The following IKZF3 variants were observed in gnomAD, a reference collection of about 807,000 sequenced individuals.
The protein encoded by IKZF3 is IKAROS family zinc finger 3.
In IKZF3, 10 loss-of-function variants were observed where a neutral mutation model predicts 49.0. The observed-to-expected ratio is 0.20, with a 90% CI of 0.13 to 0.35. The LOEUF (loss-of-function observed/expected upper bound fraction) is 0.35, where lower values mean the gene tolerates loss of function less well. IKZF3 is among the 10% of genes least tolerant of loss of function. IKZF3 has a pLI of 1.00. For missense variants in IKZF3, 498 were observed against 664.8 expected (o/e 0.75, Z 2.76); for synonymous variants, 209 against 228.2 (o/e 0.92, Z 0.76).
chr17:39,797,588 A>G (rs1322479776), intron 3 of IKZF3, among the ~76,000 whole-genome samples: 2 of 151,654 alleles, frequency 1.3e-5, no homozygotes, highest in Non-Finnish European at 2.9e-5. Flanking sequence ...ACACCTGGCT[A>G]ATTTCTGTAT....
intron 3 of IKZF3, among the ~76,000 whole-genome samples, chr17:39,798,988 T>TGTGTGC (rs1441458945): frequency 4.2e-5 from 2 of 47,182 alleles, no homozygotes; most frequent in Non-Finnish European, 8.8e-5. Flanking sequence ...AGATTGTGTG[T>TGTGTGC]GTGTGTGCGT....
chr17:39,798,874 C>T (rs972863760), intron 3 of IKZF3, among the ~76,000 whole-genome samples: 4 of 152,106 alleles, frequency 2.6e-5, no homozygotes, highest in Admixed American at 6.5e-5. Flanking sequence ...CTCTGATCAA[C>T]CCAGCTGGAA....
intron 1 of IKZF3, among the ~76,000 whole-genome samples, chr17:39,851,249 G>C (rs2062866832): frequency 6.6e-6 from 1 of 151,658 alleles, no homozygotes; most frequent in Non-Finnish European, 1.5e-5. Context: ...GGGTGGTCTT[G>C]AACTCCTGGG....
intron 3 of IKZF3, among the ~76,000 whole-genome samples, chr17:39,798,413 C>A (rs544574269): frequency 2.6e-5 from 4 of 152,174 alleles, no homozygotes; most frequent in Admixed American, 2.0e-4. Flanking sequence ...CTAGTTAGAT[C>A]TTTAACTAAA....
chr17:39,785,030 A>G (rs1247050070), intron 6 of IKZF3, among the ~76,000 whole-genome samples: 1 of 152,204 alleles, frequency 6.6e-6, no homozygotes, highest in East Asian at 1.9e-4. Flanking sequence ...ACAGCAATGG[A>G]GCATCATCTC....
intron 3 of IKZF3, among the ~76,000 whole-genome samples, chr17:39,810,528 T>A (rs2061526239): frequency 6.6e-6 from 1 of 152,112 alleles, no homozygotes; most frequent in East Asian, 1.9e-4. Context: ...TCTATTTCCA[T>A]TTCACTACCC....
At chr17:39,815,472 T>C (rs1190708815) in intron 3 of IKZF3, among the ~76,000 whole-genome samples, 3 of 152,260 alleles carry the variant, frequency 2.0e-5, no homozygotes, top group Non-Finnish European at 2.9e-5. Context: ...CAGAGGTTTT[T>C]ATTTTTTAGT....
At position 39,763,112 on chromosome 17, in the gene IKZF3, T is replaced by C. The variant is rs1451287621; in HGVS notation, c.*2678A>G. 6.6e-6 allele frequency: 1 copy of C among 152,236 alleles called. No individual in the cohort carries two copies. The highest frequency in any genetic ancestry group is 1.9e-4 in the East Asian group (1 of 5,204). The allele number at this position is 152,236 out of a possible 1,614,324, so 9.4% of individuals were successfully genotyped here. On this transcript the variant is annotated 3_prime_UTR_variant, in exon 8 of 8. Transcript: ENST00000346872. ...CAATCTGGCATAGCTTGGAGTCTAG[T>C]ATTACGGAAATACAGTGATATACTG...
At chr17:39,774,277 C>A (rs186548076) in intron 7 of IKZF3, among the ~76,000 whole-genome samples, 1 of 152,170 alleles carries the variant, frequency 6.6e-6, no homozygotes. Context: ...TCTTCCTTCA[C>A]ACCTTACCCA....
intron 1 of IKZF3, among the ~76,000 whole-genome samples, chr17:39,843,808 TAAA>T (rs79751726): frequency 2.3e-5 from 3 of 132,816 alleles, no homozygotes. Context: ...CTCCGTCTTT[TAAA>T]AAAAAAAAAA....
chr17:39,790,273 G>C lies in IKZF3; in HGVS notation c.592+1143C>G, dbSNP rs191519394. 1.6e-3 allele frequency among the ~76,000 whole-genome samples: 249 copies of C among 152,280 alleles called. 2 individuals carry two copies. Among genetic ancestry groups the C allele is most frequent in the Non-Finnish European group, 2.9e-3 (194 of 68,024 alleles). ...AATGTTACGTTTCTGCATAAATTGGGTTCTCTGGAATCTGTCTTTAAAAAG... is the reference window on the plus strand; with the variant it reads ...AATGTTACGTTTCTGCATAAATTGGCTTCTCTGGAATCTGTCTTTAAAAAG... On this transcript the variant is annotated intron_variant, in intron 5 of 7. Coordinates refer to ENST00000346872, the MANE Select transcript of IKZF3 (RefSeq NM_012481.5).
At chr17:39,766,971 C>G (rs142608124) in intron 7 of IKZF3, among the ~76,000 whole-genome samples, 9 of 152,184 alleles carry the variant, frequency 5.9e-5, no homozygotes, top group South Asian at 2.1e-4. Flanking sequence ...GACAGAAGTG[C>G]TGCAAAGAGT....
intron 3 of IKZF3, among the ~76,000 whole-genome samples, chr17:39,824,158 C>G (rs897532431): frequency 3.9e-5 from 6 of 152,204 alleles, no homozygotes; most frequent in African/African-American, 1.2e-4. Flanking sequence ...ATCAGCGTGA[C>G]GTGGATGTGA....
At chr17:39,800,227 G>T (rs974940512) in intron 3 of IKZF3, among the ~76,000 whole-genome samples, 6 of 152,076 alleles carry the variant, frequency 3.9e-5, no homozygotes, top group Admixed American at 3.9e-4. Context: ...TATATATCAG[G>T]TTTCTTAGAC....
intron 7 of IKZF3, among the ~76,000 whole-genome samples, chr17:39,769,576 A>G (rs1172093239): frequency 6.6e-6 from 1 of 152,234 alleles, no homozygotes; most frequent in African/African-American, 2.4e-5. Flanking sequence ...GACTGAGAAC[A>G]TGAGAGCCAG....
chr17:39,842,257 C>T (rs909204421), intron 1 of IKZF3, among the ~76,000 whole-genome samples: 2 of 152,144 alleles, frequency 1.3e-5, no homozygotes, highest in Non-Finnish European at 2.9e-5. Flanking sequence ...TGGCTCACTC[C>T]TATAATCCCA....
Position 39,759,143 on chromosome 17 carries a change from C to T in IKZF3, c.*6647G>A, listed in dbSNP as rs1044786619. The stretch of plus-strand genomic sequence containing the variant: ...ATTAAGAAGAAACTCAGGCCAGCCG[C>T]GGTGCCTCACGCCTGTAACCCCAAC... On this transcript the variant is annotated 3_prime_UTR_variant, in exon 8 of 8. Coordinates refer to ENST00000346872, the MANE Select transcript of IKZF3 (RefSeq NM_012481.5). 9 of 152,092 alleles carry T rather than the reference C, an allele frequency of 5.9e-5. No individual in the cohort carries two copies. The highest frequency in any genetic ancestry group is 1.7e-4 in the African/African-American group (7 of 41,382). The allele number at this position is 152,092 out of a possible 1,614,324, so 9.4% of individuals were successfully genotyped here.
rs2060220151 is a variant in IKZF3 at position 39,763,302 on chromosome 17, A to G, written c.*2488T>C. On this transcript the variant is annotated 3_prime_UTR_variant, in exon 8 of 8. Coordinates refer to ENST00000346872, the MANE Select transcript of IKZF3 (RefSeq NM_012481.5). ...GAGGTGGAACATTTTAATTACTGGC[A>G]GCACATAGACGAGTTGAGTTGGAGC... The G allele has an allele frequency of 6.6e-6, 1 of 152,210 alleles. No individual in the cohort carries two copies. 9.4% of individuals were successfully genotyped at this position (152,210 alleles called of 1,614,324 possible). A position where few individuals can be genotyped will look rare whatever the true frequency, so the allele number is the denominator to read the frequency against.
chr17:39,825,220 G>C (rs536300628), intron 3 of IKZF3, among the ~76,000 whole-genome samples: 1 of 152,324 alleles, frequency 6.6e-6, no homozygotes, highest in East Asian at 1.9e-4. Flanking sequence ...CATGGTAAAT[G>C]CCACGGTTAA....
Sources: allele counts gnomAD v4.1 joint callset (sites outside exome capture counted in the v4.1 genomes callset), GRCh38; gene constraint gnomAD v4.1.1; transcripts MANE v1.5; gene names NCBI Gene and HGNC (gene_info 2026-07-23, HGNC 2026-07-21).